NECTIN4: variants seen among roughly 807,000 people sequenced by gnomAD.
NECTIN4 encodes nectin-4.
In NECTIN4, 19 loss-of-function variants were observed where a neutral mutation model predicts 51.7. That is an observed-to-expected ratio of 0.37 (90% CI 0.26 to 0.54). NECTIN4 has a LOEUF of 0.54. Ranked by LOEUF, NECTIN4 falls within the 20% of genes least tolerant of loss-of-function variation. NECTIN4 has a pLI of 0.86. For synonymous variants in NECTIN4, 283 were observed against 286.9 expected (o/e 0.99, Z 0.14); for missense variants, 619 against 662.4 (o/e 0.93, Z 0.72).
At chr1:161,077,279 A>G (rs143835421) in intron 3 of NECTIN4, among the ~76,000 whole-genome samples, 174 bp downstream of exon 3, 153 of 152,312 alleles carry the variant, frequency 1.0e-3, no homozygotes, top group African/African-American at 3.5e-3. Context: ...AGAGAGGTCT[A>G]TCCTCTGGGA....
At chr1:161,080,137 G>T (rs1434394510) in intron 1 of NECTIN4, among the ~76,000 whole-genome samples, 188 bp from the exon 2 acceptor site, 1 of 152,158 alleles carries the variant, frequency 6.6e-6, no homozygotes, top group Non-Finnish European at 1.5e-5. Flanking sequence ...TATTATCACC[G>T]TTTAACAGAT....
Position 161,077,602 on chromosome 1 carries a change from C to T in NECTIN4, c.581G>A (p.Arg194His), listed in dbSNP as rs756775351. The T allele has an allele frequency of 3.0e-5, 48 of 1,613,704 alleles. No individual in the cohort carries two copies. The highest frequency in any genetic ancestry group is 1.6e-4 in the Middle Eastern group (1 of 6,084). The change falls in exon 3 of 9, where the codon CGT becomes CAT. Residue 194 changes from arginine to histidine, a missense_variant. Physicochemically the swap from Arg to His is conservative, Grantham distance 29. Transcript: ENST00000368012. ...DTEVKGTTSS[R>H]SFKHSRSAAV... ...AGCAGAGCGGGAGTGCTTGAAGGAA[C>T]GGCTGGACGTTGTGCCTTTGACCTC...
chr1:161,076,449 G>T lies in NECTIN4; in HGVS notation c.757C>A (p.Leu253Ile), dbSNP rs758225856. ...SFLAEASVRG[L>I]EDQNLWHIGR... The stretch of plus-strand genomic sequence containing the variant: ...ATGTGCCACAGATTTTGGTCTTCAA[G>T]GCCCCTCACAGAGGCCTCAGCAAGG... The change falls in exon 4 of 9, where the codon CTT (leucine) becomes ATT (isoleucine). Residue 253 changes from leucine (L) to isoleucine (I), a missense_variant. Physicochemically the swap from Leu to Ile is conservative, Grantham distance 5 (BLOSUM62 2). This residue lies in a region of NECTIN4 where 364 missense variants were observed against 415.7 expected (regional missense o/e 0.88). Transcript: ENST00000368012. 2.5e-6 allele frequency: 4 copies of T among 1,614,108 alleles called. No individual in the cohort carries two copies. In the South Asian group the frequency reaches 4.4e-5, roughly 18 times the overall value.
intron 1 of NECTIN4, among the ~76,000 whole-genome samples, chr1:161,080,200 G>T (rs574947509): frequency 6.6e-6 from 1 of 152,220 alleles, no homozygotes; most frequent in East Asian, 1.9e-4. Context: ...CCACACAGAC[G>T]ATTTATGGAA....
intron 2 of NECTIN4, 104 bp from the exon 3 acceptor site, chr1:161,077,847 C>CT: frequency 2.0e-6 from 2 of 1,015,804 alleles, no homozygotes; most frequent in Non-Finnish European, 2.8e-6. Flanking sequence ...TTCAGGCCCC[C>CT]TTTCCTTCTC....
chr1:161,072,923 G>A (rs997717313), intron 8 of NECTIN4, 38 bp from the exon 9 acceptor site: 6 of 1,572,322 alleles, frequency 3.8e-6, no homozygotes, highest in Non-Finnish European at 8.7e-7. Context: ...AGGAACAAAG[G>A]CAGGGCAGCT....
intron 1 of NECTIN4, among the ~76,000 whole-genome samples, chr1:161,086,251 A>G (rs1653939089): frequency 6.6e-6 from 1 of 152,082 alleles, no homozygotes; most frequent in Admixed American, 6.5e-5. Flanking sequence ...TAACCTCCTC[A>G]TCTCTGTAGC....
chr1:161,079,478 A>G (rs1485867044), intron 2 of NECTIN4, 112 bp downstream of exon 2: 18 of 1,423,948 alleles, frequency 1.3e-5, no homozygotes, highest in Non-Finnish European at 1.7e-5. Flanking sequence ...CCTGAACATG[A>G]CCCCACTTTT....
Position 161,089,482 on chromosome 1 carries a change from C to G in NECTIN4, c.-186G>C. 1.6e-6 allele frequency: 1 copy of G among 629,628 alleles called. No individual in the cohort carries two copies. The highest frequency in any genetic ancestry group is 2.4e-5 in the Admixed American group (1 of 41,906). 39.0% of individuals were successfully genotyped at this position (629,628 alleles called of 1,614,324 possible). A position where few individuals can be genotyped will look rare whatever the true frequency, so the allele number is the denominator to read the frequency against. On this transcript the variant is annotated 5_prime_UTR_variant, in exon 1 of 9. Coordinates refer to ENST00000368012, the MANE Select transcript of NECTIN4 (RefSeq NM_030916.3). The surrounding 1 kb of genome is among the most constrained non-coding windows in gnomAD (Gnocchi z 4.1). ...CCCCGTTCTACACACCCAGCCGTAG[C>G]TACCCCCAAGAAGCCGTGATCGGGA... is the stretch of plus-strand genomic sequence containing the variant.
intron 1 of NECTIN4, among the ~76,000 whole-genome samples, chr1:161,083,601 C>G (rs886515171): frequency 6.6e-6 from 1 of 152,212 alleles, no homozygotes; most frequent in Non-Finnish European, 1.5e-5. Context: ...CCCACCCCTC[C>G]TCCCTGGAGT....
rs1319159443 is a variant in NECTIN4 at position 161,073,618 on chromosome 1, C to T, written c.1233+102G>A. On this transcript the variant is annotated intron_variant, in intron 7 of 8. Coordinates refer to ENST00000368012, the MANE Select transcript of NECTIN4 (RefSeq NM_030916.3). ...ACCCCAGCTGTGAGTCAGTGGCTGA[C>T]CCAGCAGAGAGCTGTGCTCCTGGTC... 10 of 1,083,106 alleles carry T rather than the reference C, an allele frequency of 9.2e-6. No homozygotes were observed. The Admixed American group carries it at 1.7e-4, about 18-fold the overall frequency. The allele number at this position is 1,083,106 out of a possible 1,614,324, so 67.1% of individuals were successfully genotyped here.
intron 1 of NECTIN4, among the ~76,000 whole-genome samples, chr1:161,082,421 G>T (rs1321838423): frequency 2.0e-5 from 3 of 152,112 alleles, no homozygotes; most frequent in Non-Finnish European, 4.4e-5. Context: ...GATAGGCTGG[G>T]CTAGCTAATT....
intron 6 of NECTIN4, 121 bp from the exon 7 acceptor site, chr1:161,073,916 G>A: frequency 1.1e-6 from 1 of 885,246 alleles, no homozygotes; most frequent in Non-Finnish European, 1.8e-6. Flanking sequence ...GGCCCTGCAA[G>A]TGTGAGTGTG....
chr1:161,077,432 C>G (rs1198690663), intron 3 of NECTIN4, 21 bp downstream of exon 3: 1 of 1,613,916 alleles, frequency 6.2e-7, no homozygotes, highest in South Asian at 1.1e-5. Flanking sequence ...GGCCTCCCTA[C>G]CCAAGCATCC....
chr1:161,072,531 G>A lies in NECTIN4; in HGVS notation c.*130C>T, dbSNP rs1001943041. ...ATGAACAGAAGGGTTGGAGGTAAAG[G>A]TCAAGCAGTCAGTGGGATGGGGAGC... On this transcript the variant is annotated 3_prime_UTR_variant, in exon 9 of 9. Transcript: ENST00000368012. The A allele has an allele frequency of 1.9e-5, 15 of 783,338 alleles. No individual in the cohort carries two copies. Among genetic ancestry groups the A allele is most frequent in the Admixed American group, 1.8e-4 (9 of 50,744 alleles). 48.5% of individuals were successfully genotyped at this position (783,338 alleles called of 1,614,324 possible).
rs1176017817 is a variant in NECTIN4 at position 161,079,714 on chromosome 1, G to A, written c.315C>T (p.Arg105=). The part of the protein sequence containing the change: ...EGRVEQPPPP[R]NPLDGSVLLR... ...GGAGCACTGAGCCGTCCAGGGGGTTGCGTGGGGGCGGCGGCTGCTCCACGC... is the reference window on the plus strand; with the variant it reads ...GGAGCACTGAGCCGTCCAGGGGGTTACGTGGGGGCGGCGGCTGCTCCACGC... Residue 105 remains arginine, a synonymous_variant, in exon 2 of 9, where the codon CGC becomes CGT. Transcript: ENST00000368012. The A allele has an allele frequency of 1.2e-6, 2 of 1,609,084 alleles. No individual in the cohort carries two copies. Among genetic ancestry groups the A allele is most frequent in the East Asian group, 4.5e-5 (2 of 44,880 alleles).
At position 161,079,863 on chromosome 1, in the gene NECTIN4, C is replaced by A. The variant is rs540825819; in HGVS notation, c.166G>T (p.Gly56Trp). 5 of 1,613,950 alleles carry A rather than the reference C, an allele frequency of 3.1e-6. No individual in the cohort carries two copies. The South Asian group carries it at 5.5e-5, about 18-fold the overall frequency. The change falls in exon 2 of 9, where the codon GGG becomes TGG. Residue 56 changes from glycine (G) to tryptophan (W), a missense_variant. Transcript: ENST00000368012. ...TGCCCCACTTGCTCGCCGGAGTCCC[C>A]TCGGTAGAAGCAGGGCAGTTTTGCG... is the stretch of plus-strand genomic sequence containing the variant. ...QDAKLPCFYRGDSGEQVGQVA... is the reference protein window; with the variant it reads ...QDAKLPCFYRWDSGEQVGQVA...
chr1:161,072,574 G>C lies in NECTIN4; in HGVS notation c.*87C>G, dbSNP rs373753089. On this transcript the variant is annotated 3_prime_UTR_variant, in exon 9 of 9. Transcript: ENST00000368012. ...TGGGGAGCATCTTCCGCAAGAAATG[G>C]GGGTGTTTAAGGAGGCCCCCAAGAT... 3.3e-5 allele frequency: 36 copies of C among 1,077,652 alleles called. No individual in the cohort carries two copies. In the African/African-American group the frequency reaches 5.0e-4, roughly 15 times the overall value. 66.8% of individuals were successfully genotyped at this position (1,077,652 alleles called of 1,614,324 possible). A position where few individuals can be genotyped will look rare whatever the true frequency, so the allele number is the denominator to read the frequency against.
rs1222504457 is a variant in NECTIN4 at position 161,072,555 on chromosome 1, G to A, written c.*106C>T. ...GGTCAAGCAGTCAGTGGGATGGGGA[G>A]CATCTTCCGCAAGAAATGGGGGTGT... On this transcript the variant is annotated 3_prime_UTR_variant, in exon 9 of 9. Transcript: ENST00000368012. 5.4e-6 allele frequency: 5 copies of A among 922,232 alleles called. No individual in the cohort carries two copies. Among genetic ancestry groups the A allele is most frequent in the African/African-American group, 4.9e-5 (3 of 61,604 alleles). 57.1% of individuals were successfully genotyped at this position (922,232 alleles called of 1,614,324 possible). A position where few individuals can be genotyped will look rare whatever the true frequency, so the allele number is the denominator to read the frequency against.
Sources: gnomAD v4.1 joint callset for allele counts (sites outside exome capture counted in the v4.1 genomes callset) on GRCh38, gnomAD v4.1.1 for gene constraint, gnomAD v4.1.1 regional missense constraint, Gnocchi (gnomAD v3.1) non-coding constraint, MANE v1.5 for transcripts, NCBI Gene and HGNC (gene_info 2026-07-23, HGNC 2026-07-21) for gene names.